BRD3: variants seen among roughly 807,000 people sequenced by gnomAD.
The protein encoded by BRD3 is bromodomain-containing protein 3.
BRD3 carries 17 observed loss-of-function variants against 66.8 expected under a neutral mutation model. The observed-to-expected ratio is 0.25, with a 90% CI of 0.17 to 0.38. The LOEUF (loss-of-function observed/expected upper bound fraction) is 0.38, where lower values mean the gene tolerates loss of function less well. Among genes scored for constraint, BRD3 ranks in the 10% least tolerant of loss-of-function variants. BRD3 has a pLI of 1.00. For missense variants in BRD3, 713 were observed against 956.1 expected, an observed-to-expected ratio of 0.75 and a Z score of 3.35; for synonymous variants, 421 against 393.2, an observed-to-expected ratio of 1.07 and a Z score of -0.84.
At chr9:134,041,725 GC>G in intron 8 of BRD3, 34 bp downstream of exon 8, 1 of 1,598,946 alleles carries the variant, frequency 6.3e-7, no homozygotes. Context: ...TCCCGCCTCA[GC>G]CCCTGAACCC....
At position 134,047,369 on chromosome 9, in the gene BRD3, A is replaced by G. The variant is rs990526124; in HGVS notation, c.1086+714T>C. 4.0e-4 allele frequency among the ~76,000 whole-genome samples: 61 copies of G among 151,392 alleles called. 1 individual carries two copies. Among genetic ancestry groups the G allele is most frequent in the African/African-American group, 1.4e-3 (57 of 40,982 alleles). ...GGGAGCTGGCTTGGAGCTCTCCCAGAGGGAGGGCAGGTGCCAGCCAGGAGT... is the reference window on the plus strand; with the variant it reads ...GGGAGCTGGCTTGGAGCTCTCCCAGGGGGAGGGCAGGTGCCAGCCAGGAGT... On this transcript the variant is annotated intron_variant, in intron 6 of 11. Transcript: ENST00000303407.
At chr9:134,066,896 T>C (rs576696251) in intron 1 of BRD3, among the ~76,000 whole-genome samples, 3 of 152,244 alleles carry the variant, frequency 2.0e-5, no homozygotes, top group Non-Finnish European at 4.4e-5. Context: ...ACCCACACGA[T>C]GGACGCCGGG....
At chr9:134,035,965 T>C in intron 10 of BRD3, 67 bp downstream of exon 10, 17 of 1,532,632 alleles carry the variant, frequency 1.1e-5, no homozygotes, top group Non-Finnish European at 1.3e-5. Flanking sequence ...CCGTGAGGAG[T>C]GACAGGAGGG....
chr9:134,053,797 C>A (rs1830355209), intron 1 of BRD3: 2 of 360,662 alleles, frequency 5.5e-6, no homozygotes, highest in South Asian at 1.4e-4. Flanking sequence ...GACTCTCCAA[C>A]CACTGCTCTC....
intron 9 of BRD3, among the ~76,000 whole-genome samples, chr9:134,039,786 G>A (rs1349655851): frequency 6.6e-6 from 1 of 152,232 alleles, no homozygotes; most frequent in Non-Finnish European, 1.5e-5. Flanking sequence ...TCATGATGTG[G>A]AGACCAGGCC....
chr9:134,062,460 T>G (rs1211494096), intron 1 of BRD3, among the ~76,000 whole-genome samples: 1 of 152,112 alleles, frequency 6.6e-6, no homozygotes, highest in Non-Finnish European at 1.5e-5. Context: ...ACCTAAGACC[T>G]CATATGCCTC....
intron 1 of BRD3, among the ~76,000 whole-genome samples, chr9:134,067,013 A>G (rs1830674533): frequency 6.6e-6 from 1 of 151,858 alleles, no homozygotes; most frequent in Admixed American, 6.6e-5. Context: ...AACCGGTGGA[A>G]TAAGACTTCC....
intron 6 of BRD3, among the ~76,000 whole-genome samples, chr9:134,046,658 A>G (rs1405302208): frequency 1.3e-5 from 2 of 152,192 alleles, no homozygotes; most frequent in African/African-American, 2.4e-5. Flanking sequence ...CTCCATCTGT[A>G]TAATCTAGAG....
intron 10 of BRD3, 47 bp from the exon 11 acceptor site, chr9:134,034,876 G>A (rs752803727): frequency 5.6e-6 from 9 of 1,605,924 alleles, no homozygotes; most frequent in Non-Finnish European, 7.6e-6. Flanking sequence ...AGACCGATGG[G>A]GCAGGAGCCA....
At chr9:134,053,137 C>T (rs1830338940) in intron 2 of BRD3, 128 bp downstream of exon 2, 2 of 1,060,160 alleles carry the variant, frequency 1.9e-6, no homozygotes, top group Middle Eastern at 2.5e-4. Context: ...TCCTGAGGCA[C>T]AGGCTGTCCC....
Position 134,033,216 on chromosome 9 carries a change from C to T in BRD3, c.*374G>A, listed in dbSNP as rs1392420732. The T allele has an allele frequency of 9.9e-6, 4 of 405,862 alleles. No individual in the cohort carries two copies. In the East Asian group the frequency reaches 1.4e-4, roughly 14 times the overall value. 25.1% of individuals were successfully genotyped at this position (405,862 alleles called of 1,614,324 possible). A position where few individuals can be genotyped will look rare whatever the true frequency, so the allele number is the denominator to read the frequency against. ...TACAGTACCCATATCCGAGACATTT[C>T]CTTGGAAAAAATTCTTTCTCGAGCT... On this transcript the variant is annotated 3_prime_UTR_variant, in exon 12 of 12. Coordinates refer to ENST00000303407, the MANE Select transcript of BRD3 (RefSeq NM_007371.4). This position sits in a 1 kb window ranked among gnomAD's most constrained non-coding sequence, Gnocchi z 5.1.
intron 5 of BRD3, among the ~76,000 whole-genome samples, chr9:134,048,701 A>AG: frequency 6.6e-6 from 1 of 152,186 alleles, no homozygotes; most frequent in African/African-American, 2.4e-5. Flanking sequence ...CACCTGGGCG[A>AG]GGGGAGATAC....
At chr9:134,036,557 A>G in intron 9 of BRD3, 4 of 1,610,814 alleles carry the variant, frequency 2.5e-6, no homozygotes, top group Non-Finnish European at 3.4e-6. Flanking sequence ...TACACCCCAT[A>G]GGCGTCTCAA....
chr9:134,042,776 T>A (rs890684347), intron 7 of BRD3, among the ~76,000 whole-genome samples: 2 of 119,964 alleles, frequency 1.7e-5, no homozygotes, highest in Non-Finnish European at 3.3e-5. Context: ...CACACACACA[T>A]ATATATACAC....
At chr9:134,055,205 C>T (rs544511719) in intron 1 of BRD3, among the ~76,000 whole-genome samples, 14 of 152,342 alleles carry the variant, frequency 9.2e-5, no homozygotes, top group African/African-American at 2.6e-4. Flanking sequence ...TGCTCTGCCC[C>T]GCAAGGACCG....
intron 4 of BRD3, 34 bp downstream of exon 4, chr9:134,051,528 G>A (rs770664228): frequency 4.7e-6 from 7 of 1,495,312 alleles, no homozygotes; most frequent in Middle Eastern, 2.4e-4. Context: ...TCTGCAGAGA[G>A]GCCCAGCCCC....
At chr9:134,042,293 G>C (rs954873892) in intron 7 of BRD3, among the ~76,000 whole-genome samples, 1 of 152,140 alleles carries the variant, frequency 6.6e-6, no homozygotes, top group South Asian at 2.1e-4. Flanking sequence ...GCTGTGAAAC[G>C]GGAAACAGTG....
intron 1 of BRD3, among the ~76,000 whole-genome samples, chr9:134,066,555 G>C (rs1271516651): frequency 1.2e-5 from 1 of 86,014 alleles, no homozygotes; most frequent in Middle Eastern, 6.3e-3. Context: ...ATACTACATG[G>C]ACCCAGGAAA....
chr9:134,053,202 CA>C (rs1480724839), intron 2 of BRD3, 62 bp downstream of exon 2: 56 of 1,558,628 alleles, frequency 3.6e-5, no homozygotes, highest in Non-Finnish European at 4.2e-5. Flanking sequence ...ATGGGGGCAG[CA>C]GGAGGGGGAC....
Sources: gnomAD v4.1 joint callset for allele counts (sites outside exome capture counted in the v4.1 genomes callset) on GRCh38, gnomAD v4.1.1 for gene constraint, Gnocchi (gnomAD v3.1) non-coding constraint, MANE v1.5 for transcripts, NCBI Gene and HGNC (gene_info 2026-07-23, HGNC 2026-07-21) for gene names.